The following ZBTB20 variants were observed in gnomAD, a reference collection of about 807,000 sequenced individuals.
The protein encoded by ZBTB20 is zinc finger and BTB domain-containing protein 20.
ZBTB20 carries 9 observed loss-of-function variants against 56.9 expected under a neutral mutation model. The observed-to-expected ratio is 0.16, with a 90% CI of 0.10 to 0.28. ZBTB20 has a LOEUF of 0.28. ZBTB20 is among the 10% of genes least tolerant of loss of function. The probability of loss-of-function intolerance (pLI) is 1.00; values close to 1 mark genes in which losing one functional copy is unlikely to be tolerated. For synonymous variants in ZBTB20, 417 were observed against 420.7 expected, an observed-to-expected ratio of 0.99 and a Z score of 0.11; for missense variants, 655 against 1,003.0, an observed-to-expected ratio of 0.65 and a Z score of 4.69.
chr3:114,537,286 T>C (rs962464438), intron 6 of ZBTB20, among the ~76,000 whole-genome samples: 2 of 151,840 alleles, frequency 1.3e-5, no homozygotes, highest in Admixed American at 6.6e-5. Flanking sequence ...TTAAACAAAT[T>C]TACAAGAAAA....
intron 5 of ZBTB20, among the ~76,000 whole-genome samples, chr3:114,738,670 G>GT (rs2066362023): frequency 6.6e-6 from 1 of 152,022 alleles, no homozygotes; most frequent in Admixed American, 6.6e-5. Flanking sequence ...ATAAAAAACA[G>GT]GACAAAACAA....
intron 5 of ZBTB20, among the ~76,000 whole-genome samples, chr3:114,798,324 G>A (rs1443936656): frequency 8.2e-6 from 1 of 121,780 alleles, no homozygotes; most frequent in Non-Finnish European, 1.7e-5. Flanking sequence ...CATGATACTA[G>A]GAACAAAATT....
At chr3:114,925,610 T>A (rs2076126496) in intron 3 of ZBTB20, among the ~76,000 whole-genome samples, 1 of 152,150 alleles carries the variant, frequency 6.6e-6, no homozygotes, top group Non-Finnish European at 1.5e-5. Flanking sequence ...CACTGCAACC[T>A]CTGCCTCCTG....
chr3:114,992,130 CAAAT>C (rs1352029553), intron 2 of ZBTB20, among the ~76,000 whole-genome samples: 8 of 151,954 alleles, frequency 5.3e-5, no homozygotes, highest in Non-Finnish European at 1.2e-4. Flanking sequence ...CTCTCTCTCA[CAAAT>C]AAATACTCAC....
Position 115,098,762 on chromosome 3 carries a change from G to A in ZBTB20, c.-702-27348C>T, listed in dbSNP as rs919890898. Among the ~76,000 whole-genome samples, 5 of 152,138 alleles carry A rather than the reference G, an allele frequency of 3.3e-5. No homozygotes were observed. In the East Asian group the frequency reaches 5.8e-4, roughly 18 times the overall value. On this transcript the variant is annotated intron_variant, in intron 1 of 11. Transcript: ENST00000675478. Reference sequence around the variant, plus strand: ...ACCTTGAGAATGTGTTTGGGAATCTGCTCTAGTGTCCCAGGTGGGTTAAGA... The same window carrying A: ...ACCTTGAGAATGTGTTTGGGAATCTACTCTAGTGTCCCAGGTGGGTTAAGA...
intron 7 of ZBTB20, among the ~76,000 whole-genome samples, chr3:114,476,502 A>C (rs890426414): frequency 1.3e-5 from 2 of 152,378 alleles, no homozygotes; most frequent in Admixed American, 6.5e-5. Flanking sequence ...TGGGATGTCT[A>C]GTATGAAGGT....
chr3:115,039,852 T>C (rs1576627035), intron 2 of ZBTB20, among the ~76,000 whole-genome samples: 2 of 152,136 alleles, frequency 1.3e-5, no homozygotes, highest in African/African-American at 2.4e-5. Context: ...AGTTAGGAGA[T>C]ATAAATTATG....
At chr3:114,599,450 G>A (rs887791850) in intron 6 of ZBTB20, 12 of 151,968 alleles carry the variant, frequency 7.9e-5, no homozygotes, top group African/African-American at 2.7e-4. Flanking sequence ...TCTTTGCTGA[G>A]GATCATTTTC....
intron 7 of ZBTB20, among the ~76,000 whole-genome samples, chr3:114,413,378 A>C (rs539603270): frequency 2.0e-4 from 31 of 152,328 alleles, no homozygotes; most frequent in Admixed American, 1.3e-4. Context: ...TATAAAATTC[A>C]TTAAAGGTCG....
At chr3:115,014,998 T>C (rs899850275) in intron 2 of ZBTB20, among the ~76,000 whole-genome samples, 2 of 151,774 alleles carry the variant, frequency 1.3e-5, no homozygotes, top group African/African-American at 2.4e-5. Flanking sequence ...TTTAATGACA[T>C]CACATTTGTA....
rs1257398038 is a variant in ZBTB20, at chr3:114,793,820, TCA to T, written c.-343+7279_-343+7280del. ...TACAGCAATGTAATCTCACTGAGCCTCAGTTTCTGATACTGTGAACTAAAGAT... is the reference window on the plus strand; with the variant it reads ...TACAGCAATGTAATCTCACTGAGCCTGTTTCTGATACTGTGAACTAAAGAT... On this transcript the variant is annotated intron_variant, in intron 5 of 11. Coordinates refer to ENST00000675478, the MANE Select transcript of ZBTB20 (RefSeq NM_001348800.3). Among the ~76,000 whole-genome samples, 3 of 152,082 alleles carry T rather than the reference TCA, an allele frequency of 2.0e-5. No individual in the cohort carries two copies. The East Asian group carries it at 5.8e-4, about 29-fold the overall frequency.
chr3:114,695,784 T>G (rs775905052), intron 5 of ZBTB20, among the ~76,000 whole-genome samples: 2 of 152,054 alleles, frequency 1.3e-5, no homozygotes, highest in Non-Finnish European at 2.9e-5. Flanking sequence ...TGTTTTTTTC[T>G]TTTGACAATC....
intron 4 of ZBTB20, among the ~76,000 whole-genome samples, chr3:114,897,191 C>T (rs747531613): frequency 2.6e-5 from 4 of 152,108 alleles, no homozygotes; most frequent in Admixed American, 2.0e-4. Flanking sequence ...CATTAGGTAA[C>T]TTGATTGAGA....
At chr3:114,599,215 T>G (rs1000719505) in intron 6 of ZBTB20, 1 of 152,120 alleles carries the variant, frequency 6.6e-6, no homozygotes. Context: ...AAGGCAACAG[T>G]GGCCTCATGC....
Position 114,454,420 on chromosome 3 carries a change from T to C in ZBTB20, c.-255+45932A>G, listed in dbSNP as rs555236174. ...CCCGTTGTACTGCTTCCATTCTTTC[T>C]GCTCTCATACACAAATGCCCACAGC... is the stretch of plus-strand genomic sequence containing the variant. On this transcript the variant is annotated intron_variant, in intron 7 of 11. Coordinates refer to ENST00000675478, the MANE Select transcript of ZBTB20 (RefSeq NM_001348800.3). Among the ~76,000 whole-genome samples the C allele has an allele frequency of 2.6e-5, 4 of 151,580 alleles. No homozygotes were observed. The South Asian group carries it at 8.4e-4, about 32-fold the overall frequency.
intron 6 of ZBTB20, among the ~76,000 whole-genome samples, chr3:114,678,846 C>A (rs2061794043): frequency 6.6e-6 from 1 of 151,904 alleles, no homozygotes; most frequent in Admixed American, 6.6e-5. Context: ...TAATAGACAA[C>A]AAAAATGCAA....
intron 6 of ZBTB20, among the ~76,000 whole-genome samples, chr3:114,608,080 C>T (rs897778638): frequency 1.2e-4 from 19 of 152,026 alleles, no homozygotes; most frequent in African/African-American, 4.6e-4. Context: ...TATGTGATGA[C>T]CATTTACTAG....
At chr3:114,627,287 T>C (rs1404265759) in intron 6 of ZBTB20, among the ~76,000 whole-genome samples, 2 of 152,218 alleles carry the variant, frequency 1.3e-5, no homozygotes, top group African/African-American at 2.4e-5. Context: ...GGGGATCCTA[T>C]TGGGACATGT....
At chr3:114,747,482 T>A (rs1350062363) in intron 5 of ZBTB20, among the ~76,000 whole-genome samples, 2 of 152,142 alleles carry the variant, frequency 1.3e-5, no homozygotes, top group Non-Finnish European at 2.9e-5. Flanking sequence ...GAGAATTGCT[T>A]GAACCCAGGA....
Sources: allele counts gnomAD v4.1 joint callset (sites outside exome capture counted in the v4.1 genomes callset), GRCh38; gene constraint gnomAD v4.1.1; transcripts MANE v1.5; gene names NCBI Gene and HGNC (gene_info 2026-07-23, HGNC 2026-07-21).